PSAP: variants seen among roughly 807,000 people sequenced by gnomAD.
The protein encoded by PSAP is precursor of saposins.
Under a neutral mutation model 66.0 loss-of-function variants are expected in PSAP, and 25 were observed. The ratio of observed to expected loss-of-function variants is 0.38; its 90% confidence interval spans 0.28 to 0.53. The LOEUF (loss-of-function observed/expected upper bound fraction) is 0.53, where lower values mean the gene tolerates loss of function less well. Ranked by LOEUF, PSAP falls within the 20% of genes least tolerant of loss-of-function variation. PSAP has a pLI of 0.83. For missense variants in PSAP, 649 were observed against 668.8 expected, an observed-to-expected ratio of 0.97 and a Z score of 0.33; for synonymous variants, 273 against 258.9, an observed-to-expected ratio of 1.05 and a Z score of -0.52.
chr10:71,817,704 T>G (rs749955290), intron 13 of PSAP, among the ~76,000 whole-genome samples: 44 of 152,124 alleles, frequency 2.9e-4, no homozygotes, highest in Admixed American at 3.3e-4. Flanking sequence ...AGCAGATGCC[T>G]GCAGCAGTTT....
intron 4 of PSAP, among the ~76,000 whole-genome samples, chr10:71,830,498 T>C (rs1410447964): frequency 6.6e-6 from 1 of 152,226 alleles, no homozygotes; most frequent in Non-Finnish European, 1.5e-5. Context: ...AGGCTGCACT[T>C]GCAATCCTTG....
intron 2 of PSAP, among the ~76,000 whole-genome samples, chr10:71,833,578 C>T (rs1361915200): frequency 2.0e-5 from 3 of 152,188 alleles, no homozygotes; most frequent in African/African-American, 7.2e-5. Context: ...TGGCCACTGA[C>T]AAGTTTTTTA....
At position 71,828,936 on chromosome 10, in the gene PSAP, C is replaced by T; in HGVS notation, c.517G>A (p.Ala173Thr). Residue 173 changes from alanine (A) to threonine (T), a missense_variant, in exon 5 of 14, where the codon GCC becomes ACC. Ala to Thr is a moderately conservative substitution (Grantham distance 58). Coordinates refer to ENST00000394936, the MANE Select transcript of PSAP (RefSeq NM_002778.4). ...GGGTAGAGGAGGAGAGGGATGTTGG[C>T]CATGAAGGGGGCCACCACCTCAGTC... is the stretch of plus-strand genomic sequence containing the variant. ...DMTEVVAPFM[A>T]NIPLLLYPQD... 1 of 1,614,106 alleles carries T rather than the reference C, an allele frequency of 6.2e-7. No homozygotes were observed. The highest frequency in any genetic ancestry group is 8.5e-7 in the Non-Finnish European group (1 of 1,180,028).
Position 71,848,536 on chromosome 10 carries a change from G to C in PSAP, c.40+2646C>G, listed in dbSNP as rs550323019. On this transcript the variant is annotated intron_variant, in intron 1 of 13. Transcript: ENST00000394936. Reference sequence around the variant, plus strand: ...ATGGCTTTGCTTTCGCTTTTAGGTGGGGAAAAAGGAGGGGCAGCTGGATGG... The same window carrying C: ...ATGGCTTTGCTTTCGCTTTTAGGTGCGGAAAAAGGAGGGGCAGCTGGATGG... Among the ~76,000 whole-genome samples the C allele has an allele frequency of 2.0e-5, 3 of 152,204 alleles. No individual in the cohort carries two copies. The East Asian group carries it at 5.8e-4, about 29-fold the overall frequency.
chr10:71,849,443 A>G (rs1842882416), intron 1 of PSAP, among the ~76,000 whole-genome samples: 1 of 152,148 alleles, frequency 6.6e-6, no homozygotes, highest in Non-Finnish European at 1.5e-5. Context: ...AAAAACAGAC[A>G]TTGTGGTGGG....
At position 71,816,795 on chromosome 10, in the gene PSAP, G is replaced by C. The variant is rs902425748; in HGVS notation, c.*646C>G. ...CAGAACCCCAAACAAGGCATCACCA[G>C]GAAAGACACGGGAAAGCCAAATCAC... On this transcript the variant is annotated 3_prime_UTR_variant, in exon 14 of 14. Coordinates refer to ENST00000394936, the MANE Select transcript of PSAP (RefSeq NM_002778.4). The C allele has an allele frequency of 2.3e-5, 5 of 214,940 alleles. No homozygotes were observed. Among genetic ancestry groups the C allele is most frequent in the African/African-American group, 9.0e-5 (4 of 44,220 alleles). The allele number at this position is 214,940 out of a possible 1,614,324, so 13.3% of individuals were successfully genotyped here. A position where few individuals can be genotyped will look rare whatever the true frequency, so the allele number is the denominator to read the frequency against.
At chr10:71,832,810 GT>G (rs1842545349) in intron 2 of PSAP, among the ~76,000 whole-genome samples, 1 of 151,854 alleles carries the variant, frequency 6.6e-6, no homozygotes, top group Admixed American at 6.6e-5. Flanking sequence ...GAGGTCAGGA[GT>G]TCGAGACCAG....
chr10:71,833,747 G>A (rs924176017), intron 2 of PSAP, among the ~76,000 whole-genome samples: 2 of 152,152 alleles, frequency 1.3e-5, no homozygotes, highest in African/African-American at 2.4e-5. Context: ...ATGGCTTGTC[G>A]CCTTAGACCA....
At chr10:71,838,857 A>G (rs1842676336) in intron 1 of PSAP, among the ~76,000 whole-genome samples, 1 of 152,320 alleles carries the variant, frequency 6.6e-6, no homozygotes. Flanking sequence ...GCAATTCTAT[A>G]TAAGAGGGAT....
chr10:71,844,405 C>A (rs1842782833), intron 1 of PSAP, among the ~76,000 whole-genome samples: 1 of 152,318 alleles, frequency 6.6e-6, no homozygotes, highest in Admixed American at 6.5e-5. Context: ...GTGGCTTATG[C>A]CTCTAATCCC....
At chr10:71,819,156 G>A (rs372010802) in intron 11 of PSAP, 45 bp from the exon 12 acceptor site, 57 of 1,533,806 alleles carry the variant, frequency 3.7e-5, no homozygotes, top group Non-Finnish European at 4.3e-5. Context: ...GGGGGTGTCC[G>A]AGCATAGTGG....
At chr10:71,818,815 A>G in intron 12 of PSAP, 91 bp from the exon 13 acceptor site, 1 of 1,197,828 alleles carries the variant, frequency 8.3e-7, no homozygotes, top group South Asian at 1.2e-5. Flanking sequence ...TTCCAGAAGG[A>G]GCTAGGATCA....
In PSAP at chr10:71,816,684, C is replaced by T. The variant is rs1392514051; in HGVS notation, c.*757G>A. The stretch of plus-strand genomic sequence containing the variant: ...GGCACAGCGCGGCCACCACTGTCCA[C>T]ACGCTCACACAAGCCAGGCCCGCAG... On this transcript the variant is annotated 3_prime_UTR_variant, in exon 14 of 14. Coordinates refer to ENST00000394936, the MANE Select transcript of PSAP (RefSeq NM_002778.4). 16 of 317,066 alleles carry T rather than the reference C, an allele frequency of 5.0e-5. No homozygotes were observed. In the East Asian group the frequency reaches 1.0e-3, roughly 20 times the overall value. 19.6% of individuals were successfully genotyped at this position (317,066 alleles called of 1,614,324 possible).
intron 1 of PSAP, among the ~76,000 whole-genome samples, chr10:71,837,360 GC>G (rs1365283976): frequency 6.6e-6 from 1 of 152,250 alleles, no homozygotes; most frequent in African/African-American, 2.4e-5. Flanking sequence ...GAGGTGCAAA[GC>G]CCACTCCCAG....
At chr10:71,821,795 C>G in intron 8 of PSAP, 81 bp downstream of exon 8, 1 of 1,589,144 alleles carries the variant, frequency 6.3e-7, no homozygotes, top group Non-Finnish European at 8.6e-7. Context: ...AAACAAGTGA[C>G]TCGTAAGATG....
chr10:71,839,863 A>C (rs559666755), intron 1 of PSAP, among the ~76,000 whole-genome samples: 15 of 152,134 alleles, frequency 9.9e-5, no homozygotes, highest in Non-Finnish European at 2.1e-4. Flanking sequence ...AAAATAAGAA[A>C]AACAAATAAG....
In PSAP at chr10:71,821,744, CA is replaced by C. The variant is rs1403019712; in HGVS notation, c.909+131del. On this transcript the variant is annotated intron_variant, in intron 8 of 13. Coordinates refer to ENST00000394936, the MANE Select transcript of PSAP (RefSeq NM_002778.4). ...AGGGGATAGGATAAACCAGTGATCA[CA>C]AACTCAAAGACCTTTAGGAGCCAGG... 5 of 1,271,196 alleles carry C rather than the reference CA, an allele frequency of 3.9e-6. No homozygotes were observed. In the African/African-American group the frequency reaches 5.9e-5, roughly 15 times the overall value. The allele number at this position is 1,271,196 out of a possible 1,614,324, so 78.7% of individuals were successfully genotyped here.
At chr10:71,834,349 G>T in intron 2 of PSAP, 23 bp downstream of exon 2, 1 of 1,612,974 alleles carries the variant, frequency 6.2e-7, no homozygotes, top group South Asian at 1.1e-5. Flanking sequence ...CTGCGGCTGG[G>T]ACTGGAGGGC....
chr10:71,819,115 TAAAGG>T lies in PSAP; in HGVS notation c.1351-9_1351-5del, dbSNP rs762799607. ...ACTCTGCCACAAACTGATCACACTA[TAAAGG>T]AAAGTGGGGACACAGGTCCAGCTCT... On this transcript the variant is annotated splice_polypyrimidine_tract_variant and splice_region_variant and intron_variant, in intron 11 of 13. Coordinates refer to ENST00000394936, the MANE Select transcript of PSAP (RefSeq NM_002778.4). 7 of 1,613,254 alleles carry T rather than the reference TAAAGG, an allele frequency of 4.3e-6. No individual in the cohort carries two copies. Among genetic ancestry groups the T allele is most frequent in the Non-Finnish European group, 5.1e-6 (6 of 1,179,318 alleles).
Sources: allele counts gnomAD v4.1 joint callset (sites outside exome capture counted in the v4.1 genomes callset), GRCh38; gene constraint gnomAD v4.1.1; transcripts MANE v1.5; gene names NCBI Gene and HGNC (gene_info 2026-07-23, HGNC 2026-07-21).